MTFMT: variants seen among roughly 807,000 people sequenced by gnomAD.
The protein encoded by MTFMT is mitochondrial methionyl-tRNA formyltransferase.
In MTFMT, 47 loss-of-function variants were observed where a neutral mutation model predicts 51.8. The observed-to-expected ratio is 0.91, with a 90% CI of 0.72 to 1.16. MTFMT has a LOEUF of 1.16. Among genes scored for constraint, MTFMT ranks in the 50% most tolerant of loss-of-function variants. MTFMT has a pLI of 0.00. For synonymous variants in MTFMT, 196 were observed against 176.7 expected, an observed-to-expected ratio of 1.11 and a Z score of -0.87; for missense variants, 512 against 482.3, an observed-to-expected ratio of 1.06 and a Z score of -0.58.
chr15:65,026,368 T>A (rs2086424609), intron 2 of MTFMT: 1 of 215,460 alleles, frequency 4.6e-6, no homozygotes, highest in Non-Finnish European at 1.0e-5. Context: ...TTCCTTCGAA[T>A]ACAGGTGATT....
intron 5 of MTFMT, among the ~76,000 whole-genome samples, chr15:65,019,808 T>C (rs946891617): frequency 3.3e-5 from 5 of 152,348 alleles, no homozygotes; most frequent in African/African-American, 9.6e-5. Flanking sequence ...AGGAAAGGCA[T>C]ACTAAACTAC....
intron 8 of MTFMT, among the ~76,000 whole-genome samples, chr15:65,003,845 C>CAAAAAAAAGAAAA (rs2086198622): frequency 2.5e-5 from 1 of 40,632 alleles, no homozygotes; most frequent in Admixed American, 4.1e-4. Context: ...AACTCCATCT[C>CAAAAAAAAGAAAA]AAAAAAAAAA....
chr15:65,013,949 A>C (rs28658481), intron 6 of MTFMT, among the ~76,000 whole-genome samples: 6,899 of 151,130 alleles, frequency 0.046, 530 homozygotes, highest in African/African-American at 0.16. Context: ...TCTCAAAAAA[A>C]AAAAACAAAA....
At chr15:65,021,718 GC>G in intron 3 of MTFMT, 102 bp from the exon 4 acceptor site, 1 of 871,178 alleles carries the variant, frequency 1.1e-6, no homozygotes, top group East Asian at 2.5e-5. Flanking sequence ...TGGTCTGCAT[GC>G]CTATAGTCCT....
At chr15:65,014,935 T>A (rs1027007873) in intron 6 of MTFMT, among the ~76,000 whole-genome samples, 11 of 124,030 alleles carry the variant, frequency 8.9e-5, no homozygotes, top group African/African-American at 3.7e-4. Context: ...CCTGGCCTGA[T>A]TTTTTTTTTT....
In MTFMT at chr15:65,003,225, A is replaced by C; in HGVS notation, c.1007T>G (p.Leu336Arg). 6.2e-7 allele frequency: 1 copy of C among 1,613,554 alleles called. No individual in the cohort carries two copies. Among genetic ancestry groups the C allele is most frequent in the Non-Finnish European group, 8.5e-7 (1 of 1,179,634 alleles). Residue 336 changes from leucine to arginine, a missense_variant, in exon 9 of 9, where the codon CTC (leucine) becomes CGC (arginine). Leu to Arg is a moderately radical substitution (Grantham distance 102, BLOSUM62 -2). Coordinates refer to ENST00000220058, the MANE Select transcript of MTFMT (RefSeq NM_139242.4). ...DGWIGVRSVM[L>R]KKSLTATDFY... The stretch of plus-strand genomic sequence containing the variant: ...GTCAGTAGCTGTTAGTGATTTCTTG[A>C]GCATCACTGATCGAACACCAATCCA...
intron 6 of MTFMT, among the ~76,000 whole-genome samples, 180 bp from the exon 7 acceptor site, chr15:65,006,371 A>G (rs1455483237): frequency 6.6e-6 from 1 of 150,458 alleles, no homozygotes; most frequent in African/African-American, 2.5e-5. Context: ...TCCAGGATTT[A>G]TAAGATCTTT....
chr15:65,027,167 T>C lies in MTFMT; in HGVS notation c.210-127A>G, dbSNP rs958343359. 34 of 695,194 alleles carry C rather than the reference T, an allele frequency of 4.9e-5. No homozygotes were observed. The South Asian group carries it at 6.7e-4, about 14-fold the overall frequency. 43.1% of individuals were successfully genotyped at this position (695,194 alleles called of 1,614,324 possible). A position where few individuals can be genotyped will look rare whatever the true frequency, so the allele number is the denominator to read the frequency against. On this transcript the variant is annotated intron_variant, in intron 1 of 8. Transcript: ENST00000220058. ...GCATTTAGGGCTAAATGATTAAAAC[T>C]AGTGTGAGAGACTGAGTTTTCATTT...
At chr15:65,005,782 G>C (rs1262029978) in intron 7 of MTFMT, among the ~76,000 whole-genome samples, 1 of 151,958 alleles carries the variant, frequency 6.6e-6, no homozygotes, top group Non-Finnish European at 1.5e-5. Context: ...CTAAATTTTT[G>C]TATTTAGTAG....
At chr15:65,016,765 A>C (rs1014680519) in intron 5 of MTFMT, among the ~76,000 whole-genome samples, 1 of 151,144 alleles carries the variant, frequency 6.6e-6, no homozygotes, top group African/African-American at 2.4e-5. Context: ...TCTAACTATG[A>C]AATGAGACTA....
intron 6 of MTFMT, among the ~76,000 whole-genome samples, chr15:65,012,225 T>C (rs2086274635): frequency 6.8e-6 from 1 of 147,304 alleles, no homozygotes; most frequent in Non-Finnish European, 1.5e-5. Context: ...AGTTAATGGG[T>C]ACAGCACACC....
At chr15:65,024,294 C>T (rs1212308443) in intron 2 of MTFMT, among the ~76,000 whole-genome samples, 1 of 152,188 alleles carries the variant, frequency 6.6e-6, no homozygotes, top group African/African-American at 2.4e-5. Flanking sequence ...CATTGCACTC[C>T]AGCCTGGGCA....
chr15:65,023,676 T>C lies in MTFMT; in HGVS notation c.538A>G (p.Lys180Glu), dbSNP rs2086394617. Residue 180 changes from lysine (K) to glutamate (E), a missense_variant, in exon 3 of 9, where the codon AAA (lysine) becomes GAA (glutamate). Lys to Glu is a moderately conservative substitution (Grantham distance 56). Transcript: ENST00000220058. Reference sequence around the variant, plus strand: ...AGAAAGGAAAATATGTGCTACCTTTTAGGTCTAATTTGCATAATTGTTACT... The same window carrying C: ...AGAAAGGAAAATATGTGCTACCTTTCAGGTCTAATTTGCATAATTGTTACT... ...TGVTIMQIRP[K>E]RFDVGPILKQ... The C allele has an allele frequency of 2.5e-6, 4 of 1,613,116 alleles. No individual in the cohort carries two copies. The highest frequency in any genetic ancestry group is 3.4e-6 in the Non-Finnish European group (4 of 1,179,412).
intron 6 of MTFMT, among the ~76,000 whole-genome samples, chr15:65,009,106 G>GT (rs753415659): frequency 3.9e-5 from 6 of 152,154 alleles, no homozygotes; most frequent in African/African-American, 7.2e-5. Flanking sequence ...CACTTTAGAG[G>GT]TAAAAAAAGC....
At chr15:65,013,911 C>T (rs2086292182) in intron 6 of MTFMT, among the ~76,000 whole-genome samples, 1 of 151,624 alleles carries the variant, frequency 6.6e-6, no homozygotes, top group Admixed American at 6.6e-5. Context: ...CAGTTGCGCT[C>T]CAGCCTAGGC....
At chr15:65,011,309 C>G (rs1429164943) in intron 6 of MTFMT, among the ~76,000 whole-genome samples, 1 of 152,058 alleles carries the variant, frequency 6.6e-6, no homozygotes, top group Non-Finnish European at 1.5e-5. Context: ...GCAACAAGAG[C>G]AAGACTCCAT....
chr15:65,023,540 T>C, intron 3 of MTFMT, 132 bp downstream of exon 3: 3 of 751,910 alleles, frequency 4.0e-6, no homozygotes, highest in Non-Finnish European at 6.4e-6. Context: ...ACAGAAAGGA[T>C]ATAAAAGCAG....
At chr15:65,004,823 T>C (rs779600854) in intron 8 of MTFMT, 31 bp downstream of exon 8, 2 of 1,447,332 alleles carry the variant, frequency 1.4e-6, no homozygotes, top group African/African-American at 1.4e-5. Context: ...GTAAAACAAC[T>C]ATGATAACTT....
chr15:65,023,287 A>G (rs576945970), intron 3 of MTFMT, among the ~76,000 whole-genome samples: 12 of 152,334 alleles, frequency 7.9e-5, no homozygotes, highest in African/African-American at 2.6e-4. Context: ...TATACAATAT[A>G]TTCTTATTTC....
Sources: gnomAD v4.1 joint callset for allele counts (sites outside exome capture counted in the v4.1 genomes callset) on GRCh38, gnomAD v4.1.1 for gene constraint, MANE v1.5 for transcripts, NCBI Gene and HGNC (gene_info 2026-07-23, HGNC 2026-07-21) for gene names.